The following PCYT1A variants were observed in gnomAD, a reference collection of about 807,000 sequenced individuals.
PCYT1A encodes the protein choline-phosphate cytidylyltransferase A.
Under a neutral mutation model 43.7 loss-of-function variants are expected in PCYT1A, and 25 were observed. That is an observed-to-expected ratio of 0.57 (90% confidence interval 0.42 to 0.80). PCYT1A has a LOEUF of 0.80. Ranked by LOEUF, PCYT1A falls within the 30% of genes least tolerant of loss-of-function variation. The probability of loss-of-function intolerance (pLI) is 0.00; values close to 1 mark genes in which losing one functional copy is unlikely to be tolerated. For missense variants in PCYT1A, 421 were observed against 474.2 expected, an observed-to-expected ratio of 0.89 and a Z score of 1.04; for synonymous variants, 172 against 170.7, an observed-to-expected ratio of 1.01 and a Z score of -0.06.
intron 2 of PCYT1A, 22 bp downstream of exon 2, chr3:196,270,392 CT>C (rs1368892393): frequency 1.4e-6 from 2 of 1,444,602 alleles, no homozygotes; most frequent in Middle Eastern, 3.5e-4. Flanking sequence ...TACCCTCCCC[CT>C]GCCAGGTTAA....
Position 196,239,624 on chromosome 3 carries a change from G to A in PCYT1A, c.820C>T (p.Leu274Phe), listed in dbSNP as rs753337043. 3.1e-6 allele frequency: 5 copies of A among 1,611,554 alleles called. No individual in the cohort carries two copies. The African/African-American group carries it at 6.7e-5, about 22-fold the overall frequency. The change falls in exon 8 of 9, where the codon CTC (leucine) becomes TTC (phenylalanine). Residue 274 changes from leucine to phenylalanine, a missense_variant. Leu to Phe is a conservative substitution (Grantham distance 22). This residue lies in a region of PCYT1A where 174 missense variants were observed against 270.7 expected (regional missense o/e 0.64). Coordinates refer to ENST00000431016, the MANE Select transcript of PCYT1A (RefSeq NM_001312673.2). The stretch of plus-strand genomic sequence containing the variant: ...GACTTCTCCTCCCACTTCTGAATGA[G>A]GTCAATGCTTTTTTCCTCCACCTTC... ...VQKVEEKSID[L>F]IQKWEEKSRE...
At chr3:196,266,789 A>T (rs957840178) in intron 2 of PCYT1A, among the ~76,000 whole-genome samples, 1 of 152,056 alleles carries the variant, frequency 6.6e-6, no homozygotes, top group African/African-American at 2.4e-5. Context: ...GTTACTCAGG[A>T]GGCTAAGGCA....
At chr3:196,257,764 C>G in intron 3 of PCYT1A, 24 bp downstream of exon 3, 2 of 1,371,400 alleles carry the variant, frequency 1.5e-6, no homozygotes, top group Non-Finnish European at 2.1e-6. Flanking sequence ...AGTCAAACAA[C>G]AAATTAAGAA....
rs1381168590 is a variant in PCYT1A, at chr3:196,252,109, A to C, written c.218-3786T>G. Among the ~76,000 whole-genome samples, 1 of 151,560 alleles carries C rather than the reference A, an allele frequency of 6.6e-6. No homozygotes were observed. Among genetic ancestry groups the C allele is most frequent in the Non-Finnish European group, 1.5e-5 (1 of 67,854 alleles). On this transcript the variant is annotated intron_variant, in intron 3 of 8. Transcript: ENST00000431016. This position sits in a 1 kb window ranked among gnomAD's most constrained non-coding sequence, Gnocchi z 4.0. Reference sequence around the variant, plus strand: ...CACCCCGCCACGCCCCGCAGACTACAGCGCACCCCGCCACGCCCCACTGGC... The same window carrying C: ...CACCCCGCCACGCCCCGCAGACTACCGCGCACCCCGCCACGCCCCACTGGC...
rs1010458289 is a variant in PCYT1A at position 196,273,100 on chromosome 3, C to T, written c.-10-2559G>A. On this transcript the variant is annotated intron_variant, in intron 1 of 8. Coordinates refer to ENST00000431016, the MANE Select transcript of PCYT1A (RefSeq NM_001312673.2). The surrounding 1 kb of genome is among the most constrained non-coding windows in gnomAD (Gnocchi z 4.1). ...GGGGGTGAGCAGCTCGAGGCGCCAG[C>T]TCCCTGAGAGGCTGCAGCTGAACCA... Among the ~76,000 whole-genome samples, 6 of 152,336 alleles carry T rather than the reference C, an allele frequency of 3.9e-5. No individual in the cohort carries two copies. The highest frequency in any genetic ancestry group is 2.6e-4 in the Admixed American group (4 of 15,298).
At chr3:196,276,026 GGCAGAGCTTGCAGT>G (rs1328873429) in intron 1 of PCYT1A, among the ~76,000 whole-genome samples, 2 of 151,626 alleles carry the variant, frequency 1.3e-5, no homozygotes, top group African/African-American at 4.8e-5. Flanking sequence ...GAACCCGGGA[GGCAGAGCTTGCAGT>G]GAGCCGAGAT....
chr3:196,275,517 G>A (rs759591255), intron 1 of PCYT1A, among the ~76,000 whole-genome samples: 9 of 151,878 alleles, frequency 5.9e-5, no homozygotes, highest in South Asian at 4.1e-4. Flanking sequence ...GGTGGATCAC[G>A]AGGTCAAGAG....
At chr3:196,245,821 C>T (rs1047928996) in intron 5 of PCYT1A, among the ~76,000 whole-genome samples, 3 of 152,044 alleles carry the variant, frequency 2.0e-5, no homozygotes, top group Middle Eastern at 3.4e-3. Context: ...CATGGTGGCG[C>T]GCACCTGTAA....
intron 3 of PCYT1A, among the ~76,000 whole-genome samples, chr3:196,254,746 T>C (rs1177946701): frequency 1.3e-5 from 2 of 152,234 alleles, no homozygotes; most frequent in African/African-American, 4.8e-5. Flanking sequence ...AATTATACGC[T>C]GCACCACTGG....
intron 1 of PCYT1A, among the ~76,000 whole-genome samples, chr3:196,270,791 C>T (rs1042887679): frequency 6.6e-6 from 1 of 152,176 alleles, no homozygotes; most frequent in Non-Finnish European, 1.5e-5. Flanking sequence ...GGAAGTCATT[C>T]CCCCTCACAG....
chr3:196,239,633 T>C lies in PCYT1A; in HGVS notation c.811A>G (p.Ser271Gly). 6.2e-7 allele frequency: 1 copy of C among 1,610,294 alleles called. No homozygotes were observed. The highest frequency in any genetic ancestry group is 8.5e-7 in the Non-Finnish European group (1 of 1,176,480). ...KEFVQKVEEK[S>G]IDLIQKWEEK... Reference sequence around the variant, plus strand: ...TCCCACTTCTGAATGAGGTCAATGCTTTTTTCCTCCACCTTCTGAACAAAT... The same window carrying C: ...TCCCACTTCTGAATGAGGTCAATGCCTTTTTCCTCCACCTTCTGAACAAAT... Residue 271 changes from serine (S) to glycine (G), a missense_variant, in exon 8 of 9, where the codon AGC becomes GGC. Physicochemically the swap from Ser to Gly is moderately conservative, Grantham distance 56. Coordinates refer to ENST00000431016, the MANE Select transcript of PCYT1A (RefSeq NM_001312673.2).
Position 196,246,741 on chromosome 3 carries a change from T to G in PCYT1A, c.486+626A>C, listed in dbSNP as rs1273512258. Among the ~76,000 whole-genome samples, 4 of 152,360 alleles carry G rather than the reference T, an allele frequency of 2.6e-5. No individual in the cohort carries two copies. The East Asian group carries it at 7.7e-4, about 29-fold the overall frequency. On this transcript the variant is annotated intron_variant, in intron 5 of 8. Transcript: ENST00000431016. ...AATGTGACCGTCTTCAGAGTTCACC[T>G]GGGGCTATGGATATTCTCAGGAGAC...
chr3:196,257,045 A>C (rs992780952), intron 3 of PCYT1A, among the ~76,000 whole-genome samples: 2 of 152,192 alleles, frequency 1.3e-5, no homozygotes, highest in Non-Finnish European at 2.9e-5. Flanking sequence ...AATCAGAAGA[A>C]GTGAAAAAGG....
Position 196,247,255 on chromosome 3 carries a change from A to AT in PCYT1A, c.486+111dup, listed in dbSNP as rs1447987137. On this transcript the variant is annotated intron_variant, in intron 5 of 8. Transcript: ENST00000431016. The surrounding 1 kb of genome is among the most constrained non-coding windows in gnomAD (Gnocchi z 4.8). ...CACTGTCATCTCCTACGAAACTTACATAAGAGGTAGAAGTAAAACACGGCT... is the reference window on the plus strand; with the variant it reads ...CACTGTCATCTCCTACGAAACTTACATTAAGAGGTAGAAGTAAAACACGGCT... 5.6e-6 allele frequency: 6 copies of AT among 1,078,852 alleles called. No individual in the cohort carries two copies. Among genetic ancestry groups the AT allele is most frequent in the African/African-American group, 1.6e-5 (1 of 64,304 alleles). 66.8% of individuals were successfully genotyped at this position (1,078,852 alleles called of 1,614,324 possible).
In PCYT1A at chr3:196,238,871, C is replaced by T. The variant is rs766748077; in HGVS notation, c.921G>A (p.Lys307=). 10 of 1,460,090 alleles carry T rather than the reference C, an allele frequency of 6.8e-6. 1 individual carries two copies. In the South Asian group the frequency reaches 1.5e-4, roughly 21 times the overall value. 90.4% of individuals were successfully genotyped at this position (1,460,090 alleles called of 1,614,324 possible). A position where few individuals can be genotyped will look rare whatever the true frequency, so the allele number is the denominator to read the frequency against. ...GALKHMLKEG[K]GRMLQAISPK... is the part of the protein sequence containing the mutation. ...GGCTGATGGCCTGCAGCATCCGGCC[C>T]TTCCCCTCTTTCAGCATATGTTTCT... Residue 307 remains lysine (K), a synonymous_variant, in exon 9 of 9, where the codon AAG becomes AAA. Transcript: ENST00000431016.
At chr3:196,272,990 A>G (rs1206651934) in intron 1 of PCYT1A, among the ~76,000 whole-genome samples, 1 of 152,226 alleles carries the variant, frequency 6.6e-6, no homozygotes, top group South Asian at 2.1e-4. Flanking sequence ...TGCCAAGGAC[A>G]AGCCAGGCAC....
At position 196,276,036 on chromosome 3, in the gene PCYT1A, G is replaced by T. The variant is rs550260079; in HGVS notation, c.-10-5495C>A. 5.3e-5 allele frequency among the ~76,000 whole-genome samples: 8 copies of T among 151,386 alleles called. No homozygotes were observed. The South Asian group carries it at 1.7e-3, about 32-fold the overall frequency. ...GGTGTGAACCCGGGAGGCAGAGCTTGCAGTGAGCCGAGATCGTGCCACTGC... is the reference window on the plus strand; with the variant it reads ...GGTGTGAACCCGGGAGGCAGAGCTTTCAGTGAGCCGAGATCGTGCCACTGC... On this transcript the variant is annotated intron_variant, in intron 1 of 8. Transcript: ENST00000431016.
intron 1 of PCYT1A, among the ~76,000 whole-genome samples, chr3:196,284,542 ATGTT>A (rs1163830740): frequency 2.0e-5 from 3 of 152,244 alleles, no homozygotes; most frequent in Non-Finnish European, 4.4e-5. Context: ...GGGCGAGTAA[ATGTT>A]AACATCGGAG....
rs538302035 is a variant in PCYT1A, at chr3:196,276,011, G to A, written c.-10-5470C>T. Among the ~76,000 whole-genome samples, 3 of 151,118 alleles carry A rather than the reference G, an allele frequency of 2.0e-5. No homozygotes were observed. The East Asian group carries it at 5.9e-4, about 30-fold the overall frequency. ...GCTGGGGAGGCTGAGGCAGGAGAAT[G>A]GTGTGAACCCGGGAGGCAGAGCTTG... On this transcript the variant is annotated intron_variant, in intron 1 of 8. Transcript: ENST00000431016.
Sources: gnomAD v4.1 joint callset for allele counts (sites outside exome capture counted in the v4.1 genomes callset) on GRCh38, gnomAD v4.1.1 for gene constraint, gnomAD v4.1.1 regional missense constraint, Gnocchi (gnomAD v3.1) non-coding constraint, MANE v1.5 for transcripts, NCBI Gene and HGNC (gene_info 2026-07-23, HGNC 2026-07-21) for gene names.